HCN1: variants seen among roughly 807,000 people sequenced by gnomAD.
HCN1 encodes the protein hyperpolarization activated cyclic nucleotide gated potassium channel 1, also known as potassium/sodium hyperpolarization-activated cyclic nucleotide-gated channel 1.
HCN1 carries 13 observed loss-of-function variants against 78.9 expected under a neutral mutation model. The observed-to-expected ratio is 0.16, with a 90% CI of 0.11 to 0.26. The LOEUF (loss-of-function observed/expected upper bound fraction) is 0.26, where lower values mean the gene tolerates loss of function less well. Ranked by LOEUF, HCN1 falls within the 10% of genes least tolerant of loss-of-function variation. HCN1 has a pLI of 1.00. For missense variants in HCN1, 810 were observed against 1,154.3 expected, an observed-to-expected ratio of 0.70 and a Z score of 4.32; for synonymous variants, 552 against 455.5, an observed-to-expected ratio of 1.21 and a Z score of -2.70.
chr5:45,372,850 T>TA (rs1413627512), intron 4 of HCN1, among the ~76,000 whole-genome samples: 1 of 143,856 alleles, frequency 7.0e-6, no homozygotes, highest in Non-Finnish European at 1.5e-5. Context: ...AATATGTTCG[T>TA]ATTCTATACA....
chr5:45,501,991 T>C (rs1435398467), intron 2 of HCN1, among the ~76,000 whole-genome samples: 1 of 152,134 alleles, frequency 6.6e-6, no homozygotes, highest in African/African-American at 2.4e-5. Flanking sequence ...GTTTGTATTA[T>C]TTTAATAATA....
intron 2 of HCN1, among the ~76,000 whole-genome samples, chr5:45,562,127 G>T (rs1023082376): frequency 6.6e-6 from 1 of 151,958 alleles, no homozygotes; most frequent in Admixed American, 6.6e-5. Context: ...TTTGTGGCTG[G>T]CATTTGAAGT....
At chr5:45,571,025 T>C (rs553515872) in intron 2 of HCN1, among the ~76,000 whole-genome samples, 53 of 152,250 alleles carry the variant, frequency 3.5e-4, no homozygotes, top group African/African-American at 1.2e-3. Context: ...GTTGAAAAAA[T>C]TGTACAAGGG....
intron 2 of HCN1, among the ~76,000 whole-genome samples, chr5:45,531,673 CT>C (rs1742854165): frequency 6.6e-6 from 1 of 152,044 alleles, no homozygotes; most frequent in South Asian, 2.1e-4. Flanking sequence ...ATTTTTTTGC[CT>C]GCTAGAATAA....
intron 2 of HCN1, among the ~76,000 whole-genome samples, chr5:45,565,797 T>C (rs1743696831): frequency 6.6e-6 from 1 of 152,124 alleles, no homozygotes; most frequent in Non-Finnish European, 1.5e-5. Context: ...AATGAGACCC[T>C]GTCTCAAAAC....
At chr5:45,658,876 G>A (rs1448875194) in intron 1 of HCN1, among the ~76,000 whole-genome samples, 1 of 149,182 alleles carries the variant, frequency 6.7e-6, no homozygotes. Flanking sequence ...GAGGCTGGGG[G>A]AGGGGCGCCC....
intron 4 of HCN1, among the ~76,000 whole-genome samples, chr5:45,368,588 C>A (rs1747284184): frequency 6.6e-6 from 1 of 151,998 alleles, no homozygotes; most frequent in Admixed American, 6.6e-5. Flanking sequence ...CTAGGCTAGA[C>A]TACTCCATTA....
rs868668418 is a variant in HCN1, at chr5:45,373,643, T to C, written c.1231-20397A>G. Among the ~76,000 whole-genome samples the C allele has an allele frequency of 9.7e-4, 129 of 133,168 alleles. 1 individual carries two copies. The highest frequency in any genetic ancestry group is 6.5e-3 in the South Asian group (28 of 4,280). The allele number at this position is 133,168 out of a possible 152,430, so 87.4% of individuals were successfully genotyped here. On this transcript the variant is annotated intron_variant, in intron 4 of 7. Transcript: ENST00000303230. The stretch of plus-strand genomic sequence containing the variant: ...TATATTACATACGGTATATACGTCA[T>C]CTATAATATATTACATACGGTATAT...
At chr5:45,382,203 CTCCACATGTTAT>C (rs1747823088) in intron 4 of HCN1, among the ~76,000 whole-genome samples, 1 of 152,192 alleles carries the variant, frequency 6.6e-6, no homozygotes, top group African/African-American at 2.4e-5. Flanking sequence ...ACTCTCTTCC[CTCCACATGTTAT>C]TCCCTATCCA....
chr5:45,372,049 ATATAATATAATTATATT>A (rs1747386793), intron 4 of HCN1, among the ~76,000 whole-genome samples: 1 of 56,640 alleles, frequency 1.8e-5, no homozygotes, highest in Non-Finnish European at 2.7e-5. Flanking sequence ...TATATTATAT[ATATAATATAATTATATT>A]ATATATTATA....
chr5:45,676,044 C>A lies in HCN1; in HGVS notation c.425+19625G>T, dbSNP rs140257191. ...GTCCATTGCAGTTGTGTGCATGCAT[C>A]CCTGCTTCACATGATTTATAAAGGA... On this transcript the variant is annotated intron_variant, in intron 1 of 7. Transcript: ENST00000303230. Among the ~76,000 whole-genome samples, 156 of 151,798 alleles carry A rather than the reference C, an allele frequency of 1.0e-3. No homozygotes were observed. In the Middle Eastern group the frequency reaches 0.014, roughly 13 times the overall value.
At chr5:45,615,719 G>A (rs1408885018) in intron 2 of HCN1, among the ~76,000 whole-genome samples, 3 of 151,880 alleles carry the variant, frequency 2.0e-5, no homozygotes, top group Non-Finnish European at 4.4e-5. Flanking sequence ...CCAAATACAC[G>A]TGGTTTGAGG....
At chr5:45,400,428 C>T (rs1051132869) in intron 3 of HCN1, among the ~76,000 whole-genome samples, 6 of 95,596 alleles carry the variant, frequency 6.3e-5, no homozygotes, top group Admixed American at 4.8e-4. Flanking sequence ...GATGGAGTTT[C>T]GCTCTTGTTG....
At chr5:45,468,308 T>C (rs1741320751) in intron 2 of HCN1, among the ~76,000 whole-genome samples, 3 of 152,134 alleles carry the variant, frequency 2.0e-5, no homozygotes, top group African/African-American at 7.2e-5. Flanking sequence ...CTCATATAAG[T>C]AGTTATAGAA....
At chr5:45,652,844 T>C (rs1471968171) in intron 1 of HCN1, among the ~76,000 whole-genome samples, 1 of 152,022 alleles carries the variant, frequency 6.6e-6, no homozygotes, top group African/African-American at 2.4e-5. Flanking sequence ...TGGCATTTGA[T>C]TACTTGCCCA....
chr5:45,605,203 G>C (rs945582864), intron 2 of HCN1, among the ~76,000 whole-genome samples: 1 of 150,896 alleles, frequency 6.6e-6, no homozygotes, highest in African/African-American at 2.4e-5. Context: ...AAATTAAATG[G>C]GTACCTTTAT....
In HCN1 at chr5:45,503,925, A is replaced by G. The variant is rs58154820; in HGVS notation, c.850-41918T>C. ...ATTAGCCTCCCAAGTAGCTGCAATT[A>G]CATGTGTGCACCACCACACCCAGCT... On this transcript the variant is annotated intron_variant, in intron 2 of 7. Coordinates refer to ENST00000303230, the MANE Select transcript of HCN1 (RefSeq NM_021072.4). 8.4e-3 allele frequency among the ~76,000 whole-genome samples: 1,283 copies of G among 152,006 alleles called. 23 individuals carry two copies. Among genetic ancestry groups the G allele is most frequent in the African/African-American group, 0.03 (1,256 of 41,454 alleles).
At chr5:45,609,998 C>T (rs992439492) in intron 2 of HCN1, among the ~76,000 whole-genome samples, 2 of 152,032 alleles carry the variant, frequency 1.3e-5, no homozygotes, top group African/African-American at 2.4e-5. Context: ...GATCAAGAAG[C>T]GTCTTGTGTA....
intron 1 of HCN1, among the ~76,000 whole-genome samples, chr5:45,647,484 G>A (rs912559804): frequency 6.6e-6 from 1 of 152,068 alleles, no homozygotes; most frequent in Non-Finnish European, 1.5e-5. Context: ...TTGTTCCCCT[G>A]GGTGTCACAC....
Sources: gnomAD v4.1 joint callset for allele counts (sites outside exome capture counted in the v4.1 genomes callset) on GRCh38, gnomAD v4.1.1 for gene constraint, MANE v1.5 for transcripts, NCBI Gene and HGNC (gene_info 2026-07-23, HGNC 2026-07-21) for gene names.